Variants in DCUN1D1 observed in about 807,000 individuals in gnomAD.
The protein encoded by DCUN1D1 is defective in cullin neddylation 1 domain containing 1.
DCUN1D1 carries 3 observed loss-of-function variants against 39.0 expected under a neutral mutation model. The ratio of observed to expected loss-of-function variants is 0.08; its 90% confidence interval spans 0.04 to 0.20. The LOEUF (loss-of-function observed/expected upper bound fraction) is 0.20, where lower values mean the gene tolerates loss of function less well. Ranked by LOEUF, DCUN1D1 falls within the 10% of genes least tolerant of loss-of-function variation. The probability of loss-of-function intolerance (pLI) is 1.00; values close to 1 mark genes in which losing one functional copy is unlikely to be tolerated. For missense variants in DCUN1D1, 158 were observed against 302.4 expected, an observed-to-expected ratio of 0.52 and a Z score of 3.54; for synonymous variants, 82 against 96.3, an observed-to-expected ratio of 0.85 and a Z score of 0.87.
intron 2 of DCUN1D1, 108 bp from the exon 3 acceptor site, chr3:182,964,157 G>A: frequency 1.2e-6 from 1 of 817,836 alleles, no homozygotes; most frequent in Non-Finnish European, 1.9e-6. Flanking sequence ...CACAATATAT[G>A]GAAGGCATGA....
intron 4 of DCUN1D1, among the ~76,000 whole-genome samples, chr3:182,955,006 G>A (rs1327187305): frequency 6.6e-6 from 1 of 150,886 alleles, no homozygotes; most frequent in Non-Finnish European, 1.5e-5. Context: ...TTGTGAAATA[G>A]TCAGAAGTTG....
chr3:182,983,157 C>T (rs1161914020), upstream of DCUN1D1, among the ~76,000 whole-genome samples: 1 of 152,208 alleles, frequency 6.6e-6, no homozygotes, highest in African/African-American at 2.4e-5. Flanking sequence ...CCACCACCCT[C>T]CACCCAAATG....
chr3:182,953,088 C>T (rs1489033481), intron 4 of DCUN1D1, among the ~76,000 whole-genome samples: 1 of 152,190 alleles, frequency 6.6e-6, no homozygotes, highest in Non-Finnish European at 1.5e-5. Context: ...AACATGCTAA[C>T]CCCTCAACCT....
intron 4 of DCUN1D1, among the ~76,000 whole-genome samples, chr3:182,951,938 C>T (rs775250058): frequency 4.0e-4 from 61 of 152,106 alleles, no homozygotes; most frequent in Admixed American, 1.8e-3. Flanking sequence ...TCAGGTGATC[C>T]GCCCACCTCG....
chr3:182,978,841 T>C (rs1728373284), intron 1 of DCUN1D1, among the ~76,000 whole-genome samples: 1 of 152,184 alleles, frequency 6.6e-6, no homozygotes, highest in African/African-American at 2.4e-5. Context: ...ACCAAAAGAA[T>C]AGAAGCTTAC....
rs1436685245 is a variant in DCUN1D1 at position 182,957,931 on chromosome 3, C to T, written c.520+3295G>A. Among the ~76,000 whole-genome samples the T allele has an allele frequency of 2.8e-5, 3 of 106,506 alleles. No individual in the cohort carries two copies. The Admixed American group carries it at 3.6e-4, about 13-fold the overall frequency. 69.9% of individuals were successfully genotyped at this position (106,506 alleles called of 152,430 possible). A position where few individuals can be genotyped will look rare whatever the true frequency, so the allele number is the denominator to read the frequency against. ...CCAGCCTGGGCAACAGAGCAAGACC[C>T]TGCATCAAAAAAAAAAAAAAAAAAA... On this transcript the variant is annotated intron_variant, in intron 4 of 6. Coordinates refer to ENST00000292782, the MANE Select transcript of DCUN1D1 (RefSeq NM_020640.4).
At chr3:182,961,408 A>C (rs1207861256) in intron 3 of DCUN1D1, 52 bp from the exon 4 acceptor site, 5 of 1,459,270 alleles carry the variant, frequency 3.4e-6, no homozygotes, top group Admixed American at 2.2e-5. Context: ...CTATAAATTA[A>C]TAACTTACTT....
At chr3:182,976,778 G>C (rs1728261546) in intron 1 of DCUN1D1, among the ~76,000 whole-genome samples, 1 of 152,030 alleles carries the variant, frequency 6.6e-6, no homozygotes, top group African/African-American at 2.4e-5. Flanking sequence ...TGTCTCTTCT[G>C]TGATATATAC....
chr3:182,969,274 C>T (rs1560177866), intron 1 of DCUN1D1, among the ~76,000 whole-genome samples: 1 of 152,224 alleles, frequency 6.6e-6, no homozygotes, highest in Non-Finnish European at 1.5e-5. Context: ...CTGTAACACT[C>T]CCATCCCCTT....
At chr3:182,949,299 G>A (rs1560162334) in intron 4 of DCUN1D1, among the ~76,000 whole-genome samples, 1 of 152,148 alleles carries the variant, frequency 6.6e-6, no homozygotes, top group Non-Finnish European at 1.5e-5. Context: ...GGAGGTGGAG[G>A]TTGCAGGGGG....
rs1403862130 is a variant in DCUN1D1, at chr3:182,943,389, G to T, written c.*1705C>A. 2.6e-5 allele frequency: 4 copies of T among 152,192 alleles called. No homozygotes were observed. The highest frequency in any genetic ancestry group is 4.8e-5 in the African/African-American group (2 of 41,326). 9.4% of individuals were successfully genotyped at this position (152,192 alleles called of 1,614,324 possible). A position where few individuals can be genotyped will look rare whatever the true frequency, so the allele number is the denominator to read the frequency against. On this transcript the variant is annotated 3_prime_UTR_variant, in exon 7 of 7. Transcript: ENST00000292782. ...ATAACCAATTCCAGTAGCCTGAATA[G>T]AAATTTTCAAATTTTTCTTTTGGTA... is the stretch of plus-strand genomic sequence containing the variant.
intron 4 of DCUN1D1, among the ~76,000 whole-genome samples, chr3:182,956,645 T>C (rs1413916481): frequency 6.6e-6 from 1 of 152,266 alleles, no homozygotes; most frequent in Non-Finnish European, 1.5e-5. Flanking sequence ...TGTTCCTAAA[T>C]ATTAAACTAA....
intron 4 of DCUN1D1, among the ~76,000 whole-genome samples, chr3:182,958,497 G>C (rs1447404733): frequency 2.6e-5 from 4 of 151,918 alleles, no homozygotes; most frequent in South Asian, 2.1e-4. Flanking sequence ...GTATGGCTGT[G>C]GGGGGGTCTT....
At chr3:182,947,777 TC>T (rs1726493122) in intron 4 of DCUN1D1, 145 bp from the exon 5 acceptor site, 1 of 565,848 alleles carries the variant, frequency 1.8e-6, no homozygotes, top group Non-Finnish European at 3.1e-6. Flanking sequence ...ATTAAAAATT[TC>T]CTATACAAAT....
chr3:182,951,006 C>CAAAAAAAAAAAAA (rs56919089), intron 4 of DCUN1D1: 1 of 46,782 alleles, frequency 2.1e-5, no homozygotes, highest in African/African-American at 8.5e-5. Flanking sequence ...AACTCTGTCT[C>CAAAAAAAAAAAAA]AAAAAAAAAA....
At chr3:182,979,902 G>C (rs1728439966) in intron 1 of DCUN1D1, among the ~76,000 whole-genome samples, 1 of 152,176 alleles carries the variant, frequency 6.6e-6, no homozygotes, top group Admixed American at 6.5e-5. Context: ...GCCTCGAGAG[G>C]TGATGGAGAA....
chr3:182,964,773 G>A (rs781278113), intron 2 of DCUN1D1, among the ~76,000 whole-genome samples: 11 of 151,194 alleles, frequency 7.3e-5, no homozygotes, highest in East Asian at 5.8e-4. Flanking sequence ...CCTGAGTAGC[G>A]GGGACTACAG....
chr3:182,949,961 C>A (rs939719021), intron 4 of DCUN1D1, among the ~76,000 whole-genome samples: 13 of 152,162 alleles, frequency 8.5e-5, no homozygotes, highest in African/African-American at 3.1e-4. Context: ...TTCCTTCAAA[C>A]TCAACAGAAG....
At chr3:182,961,531 G>A (rs754590083) in intron 3 of DCUN1D1, among the ~76,000 whole-genome samples, 175 bp from the exon 4 acceptor site, 1 of 152,016 alleles carries the variant, frequency 6.6e-6, no homozygotes, top group Non-Finnish European at 1.5e-5. Context: ...GGTTAGCTGC[G>A]GGAAGAAGAG....
Sources: gnomAD v4.1 joint callset for allele counts (sites outside exome capture counted in the v4.1 genomes callset) on GRCh38, gnomAD v4.1.1 for gene constraint, MANE v1.5 for transcripts, NCBI Gene and HGNC (gene_info 2026-07-23, HGNC 2026-07-21) for gene names.